GSK3B: variants seen among roughly 807,000 people sequenced by gnomAD.
The protein encoded by GSK3B is glycogen synthase kinase 3 beta, also known as glycogen synthase kinase-3 beta.
A neutral mutation model predicts 56.4 loss-of-function variants in GSK3B; 15 were observed. That is an observed-to-expected ratio of 0.27 (90% CI 0.18 to 0.41). The LOEUF (loss-of-function observed/expected upper bound fraction) is 0.41, where lower values mean the gene tolerates loss of function less well. Among genes scored for constraint, GSK3B ranks in the 10% least tolerant of loss-of-function variants. The pLI, the probability that GSK3B is intolerant of heterozygous loss-of-function variation, is 1.00. For missense variants in GSK3B, 300 were observed against 513.4 expected, an observed-to-expected ratio of 0.58 and a Z score of 4.02; for synonymous variants, 181 against 188.9, an observed-to-expected ratio of 0.96 and a Z score of 0.34.
intron 4 of GSK3B, among the ~76,000 whole-genome samples, 191 bp downstream of exon 4, chr3:119,923,182 A>G (rs138466065): frequency 3.3e-5 from 5 of 152,356 alleles, no homozygotes; most frequent in African/African-American, 1.2e-4. Flanking sequence ...TATCTGAGTT[A>G]TAAAACTTCA....
At chr3:119,855,399 A>G (rs2056004260) in intron 9 of GSK3B, among the ~76,000 whole-genome samples, 1 of 152,196 alleles carries the variant, frequency 6.6e-6, no homozygotes, top group African/African-American at 2.4e-5. Flanking sequence ...AACTAGTTCA[A>G]CCATTGTGGA....
At chr3:119,933,588 C>G (rs1033306464) in intron 3 of GSK3B, among the ~76,000 whole-genome samples, 1 of 152,140 alleles carries the variant, frequency 6.6e-6, no homozygotes, top group Non-Finnish European at 1.5e-5. Context: ...TAAAGAAGCA[C>G]AGGAGCCGCC....
intron 9 of GSK3B, among the ~76,000 whole-genome samples, chr3:119,852,010 C>T (rs899730707): frequency 6.6e-6 from 1 of 152,196 alleles, no homozygotes; most frequent in Non-Finnish European, 1.5e-5. Flanking sequence ...ATCATAACTG[C>T]TTCTCTCCTT....
At chr3:119,867,546 G>A (rs781522704) in intron 8 of GSK3B, among the ~76,000 whole-genome samples, 4 of 152,036 alleles carry the variant, frequency 2.6e-5, no homozygotes, top group Non-Finnish European at 5.9e-5. Flanking sequence ...CCCACCAAAA[G>A]CTAAACAAAA....
At chr3:119,957,420 G>A (rs1184730269) in intron 2 of GSK3B, among the ~76,000 whole-genome samples, 9 of 152,222 alleles carry the variant, frequency 5.9e-5, no homozygotes, top group South Asian at 2.1e-4. Context: ...AGGGAATAAC[G>A]GACTTTTATA....
At chr3:119,838,708 G>T (rs372443959) in intron 10 of GSK3B, among the ~76,000 whole-genome samples, 66 of 152,042 alleles carry the variant, frequency 4.3e-4, no homozygotes, top group African/African-American at 1.3e-3. Flanking sequence ...GGTTACATTG[G>T]CTCTCCTTTT....
chr3:119,854,380 C>CT (rs2055986915), intron 9 of GSK3B, among the ~76,000 whole-genome samples: 1 of 152,092 alleles, frequency 6.6e-6, no homozygotes, highest in Non-Finnish European at 1.5e-5. Context: ...CTAAAATTCT[C>CT]TTTTTTTGTT....
chr3:120,009,177 G>A (rs1400872872), intron 1 of GSK3B, among the ~76,000 whole-genome samples: 1 of 152,168 alleles, frequency 6.6e-6, no homozygotes, highest in African/African-American at 2.4e-5. Context: ...TAAAAAGTCA[G>A]GAAACAACAG....
chr3:119,942,810 C>T (rs1241783853), intron 3 of GSK3B, among the ~76,000 whole-genome samples: 4 of 152,144 alleles, frequency 2.6e-5, no homozygotes, highest in Non-Finnish European at 5.9e-5. Context: ...ATACTTGCAA[C>T]TCACAAAACT....
intron 3 of GSK3B, among the ~76,000 whole-genome samples, chr3:119,942,584 T>C (rs2057060788): frequency 6.6e-6 from 1 of 152,156 alleles, no homozygotes; most frequent in South Asian, 2.1e-4. Context: ...ACCCAGCTCA[T>C]AACATGGTTT....
chr3:119,850,066 T>C lies in GSK3B; in HGVS notation c.1097-6713A>G, dbSNP rs960532861. Among the ~76,000 whole-genome samples the C allele has an allele frequency of 7.9e-5, 12 of 152,200 alleles. No homozygotes were observed. The South Asian group carries it at 1.9e-3, about 24-fold the overall frequency. ...AAATCTATAGATGTATGTATGTATG[T>C]ATGTATGTAAAAAGACTGTCATTTT... On this transcript the variant is annotated intron_variant, in intron 9 of 10. Coordinates refer to ENST00000264235, the MANE Select transcript of GSK3B (RefSeq NM_001146156.2).
intron 2 of GSK3B, among the ~76,000 whole-genome samples, chr3:119,997,481 A>C (rs1444111121): frequency 6.6e-6 from 1 of 152,232 alleles, no homozygotes; most frequent in African/African-American, 2.4e-5. Flanking sequence ...TTTATATCAA[A>C]AATGGATTAA....
At chr3:120,035,150 C>G (rs541658545) in intron 1 of GSK3B, among the ~76,000 whole-genome samples, 1 of 152,044 alleles carries the variant, frequency 6.6e-6, no homozygotes, top group Non-Finnish European at 1.5e-5. Context: ...TCCAATATGA[C>G]TGGTGTCCTT....
chr3:119,960,235 A>T (rs1157038587), intron 2 of GSK3B, among the ~76,000 whole-genome samples: 2 of 151,992 alleles, frequency 1.3e-5, no homozygotes, highest in Non-Finnish European at 2.9e-5. Context: ...TTGAAAGAAA[A>T]AAAGTTTGGA....
chr3:119,910,484 AAATGCT>A (rs2056724972), intron 6 of GSK3B, among the ~76,000 whole-genome samples: 1 of 152,218 alleles, frequency 6.6e-6, no homozygotes, highest in African/African-American at 2.4e-5. Flanking sequence ...TACTAAAAAA[AAATGCT>A]AATGATCATC....
chr3:119,982,678 T>A (rs1375521425), intron 2 of GSK3B, among the ~76,000 whole-genome samples: 1 of 151,918 alleles, frequency 6.6e-6, no homozygotes, highest in Admixed American at 6.6e-5. Flanking sequence ...TGAAAAGAAA[T>A]GAATAAAGCC....
At chr3:119,962,847 C>T (rs2057285186) in intron 2 of GSK3B, among the ~76,000 whole-genome samples, 1 of 152,164 alleles carries the variant, frequency 6.6e-6, no homozygotes, top group African/African-American at 2.4e-5. Context: ...AAGGAGTGTG[C>T]AACCTAAATC....
chr3:119,944,889 T>C (rs1206014161), intron 3 of GSK3B, among the ~76,000 whole-genome samples: 1 of 152,136 alleles, frequency 6.6e-6, no homozygotes, highest in East Asian at 1.9e-4. Context: ...TCTTCAAGGA[T>C]TTGCAAGAAT....
chr3:119,848,781 C>T (rs1327807125), intron 9 of GSK3B, among the ~76,000 whole-genome samples: 2 of 152,040 alleles, frequency 1.3e-5, no homozygotes, highest in African/African-American at 2.4e-5. Flanking sequence ...TAAATTGATG[C>T]TAAGATTTAT....
Sources: gnomAD v4.1 joint callset for allele counts (sites outside exome capture counted in the v4.1 genomes callset) on GRCh38, gnomAD v4.1.1 for gene constraint, MANE v1.5 for transcripts, NCBI Gene and HGNC (gene_info 2026-07-23, HGNC 2026-07-21) for gene names.